CPNE4: variants seen among roughly 807,000 people sequenced by gnomAD.
The protein encoded by CPNE4 is copine-4.
In CPNE4, 25 loss-of-function variants were observed where a neutral mutation model predicts 67.9. The ratio of observed to expected loss-of-function variants is 0.37; its 90% confidence interval spans 0.27 to 0.51. CPNE4 has a LOEUF of 0.51. Ranked by LOEUF, CPNE4 falls within the 20% of genes least tolerant of loss-of-function variation. The pLI is 0.93. For synonymous variants in CPNE4, 242 were observed against 244.9 expected (o/e 0.99, Z 0.11); for missense variants, 464 against 690.8 (o/e 0.67, Z 3.68).
chr3:131,650,453 G>A (rs533790742), intron 7 of CPNE4, among the ~76,000 whole-genome samples: 1 of 151,614 alleles, frequency 6.6e-6, no homozygotes, highest in South Asian at 2.1e-4. Flanking sequence ...TTTAACCATA[G>A]CCTTTAAAAA....
At position 131,724,666 on chromosome 3, in the gene CPNE4, G is replaced by A. The variant is rs1482973172; in HGVS notation, c.181-1041C>T. ...CTTCTGCACAGGGAGCTTTTGCTGG[G>A]ATTTGGTAACATAGTGCCTCTCTCT... On this transcript the variant is annotated intron_variant, in intron 2 of 15. Coordinates refer to ENST00000429747, the MANE Select transcript of CPNE4 (RefSeq NM_130808.3). Among the ~76,000 whole-genome samples, 10 of 152,250 alleles carry A rather than the reference G, an allele frequency of 6.6e-5. 1 individual carries two copies. The South Asian group carries it at 1.9e-3, about 29-fold the overall frequency.
At chr3:132,007,115 T>A (rs2073629785) in intron 1 of CPNE4, among the ~76,000 whole-genome samples, 1 of 152,164 alleles carries the variant, frequency 6.6e-6, no homozygotes, top group African/African-American at 2.4e-5. Flanking sequence ...TATGATCCAT[T>A]CTTCTCTTGA....
At chr3:131,835,644 G>A (rs548211806) in intron 2 of CPNE4, among the ~76,000 whole-genome samples, 144 of 152,226 alleles carry the variant, frequency 9.5e-4, no homozygotes, top group South Asian at 8.3e-3. Context: ...CACCAAGGAC[G>A]CAGTTCCCTT....
At position 131,992,039 on chromosome 3, in the gene CPNE4, G is replaced by A. The variant is rs1316665038; in HGVS notation, c.-2+42528C>T. The stretch of plus-strand genomic sequence containing the variant: ...CTGGATATCTAGGCAGAAGTTTCCT[G>A]CAGGGGTGGAGCCCTCATGGAGAAC... On this transcript the variant is annotated intron_variant, in intron 1 of 15. Transcript: ENST00000429747. Among the ~76,000 whole-genome samples, 6 of 136,754 alleles carry A rather than the reference G, an allele frequency of 4.4e-5. 1 individual carries two copies. The highest frequency in any genetic ancestry group is 5.0e-4 in the South Asian group (2 of 3,984). 89.7% of individuals were successfully genotyped at this position (136,754 alleles called of 152,430 possible).
At chr3:132,000,341 A>G (rs1212119089) in intron 1 of CPNE4, among the ~76,000 whole-genome samples, 1 of 152,030 alleles carries the variant, frequency 6.6e-6, no homozygotes, top group South Asian at 2.1e-4. Flanking sequence ...ACAAGTACTT[A>G]CTATGTGCTA....
At chr3:131,787,849 C>T (rs76916126) in intron 2 of CPNE4, among the ~76,000 whole-genome samples, 1 of 152,120 alleles carries the variant, frequency 6.6e-6, no homozygotes, top group East Asian at 1.9e-4. Flanking sequence ...ATCACAGTGC[C>T]CTTTATCTTA....
chr3:131,925,784 G>C (rs1463857215), intron 1 of CPNE4, among the ~76,000 whole-genome samples: 3 of 152,086 alleles, frequency 2.0e-5, no homozygotes, highest in African/African-American at 4.8e-5. Context: ...TTTCTGACTG[G>C]GCAGCCTCCC....
chr3:131,929,544 A>G (rs1029530760), intron 1 of CPNE4, among the ~76,000 whole-genome samples: 11 of 151,750 alleles, frequency 7.2e-5, no homozygotes, highest in Admixed American at 5.9e-4. Flanking sequence ...CCCCTTCTCC[A>G]TGTCTTCACA....
chr3:131,543,782 C>G (rs1300266618), intron 14 of CPNE4, among the ~76,000 whole-genome samples: 1 of 152,194 alleles, frequency 6.6e-6, no homozygotes, highest in Admixed American at 6.5e-5. Flanking sequence ...ATAAGAGGGT[C>G]AGGGTTGCAG....
intron 2 of CPNE4, among the ~76,000 whole-genome samples, chr3:131,862,215 C>G (rs2086719463): frequency 6.6e-6 from 1 of 152,130 alleles, no homozygotes; most frequent in African/African-American, 2.4e-5. Context: ...TCTTTGATAT[C>G]TCAAATCTCT....
At chr3:131,537,859 C>T (rs1935247804) in intron 15 of CPNE4, among the ~76,000 whole-genome samples, 1 of 152,184 alleles carries the variant, frequency 6.6e-6, no homozygotes, top group African/African-American at 2.4e-5. Context: ...CTTCTAGCTA[C>T]ATGAGAAAAA....
chr3:132,017,296 T>C (rs377526054), intron 1 of CPNE4, among the ~76,000 whole-genome samples: 2 of 144,270 alleles, frequency 1.4e-5, no homozygotes, highest in South Asian at 2.2e-4. Context: ...TGAGAGAAGA[T>C]GGGAGAAGGG....
At chr3:131,896,118 A>G (rs1029994600) in intron 2 of CPNE4, among the ~76,000 whole-genome samples, 26 of 152,166 alleles carry the variant, frequency 1.7e-4, no homozygotes, top group African/African-American at 5.8e-4. Context: ...GTAATTATTC[A>G]TAATAGCAAA....
chr3:131,681,502 T>C (rs1001986326), intron 6 of CPNE4, among the ~76,000 whole-genome samples: 1 of 152,198 alleles, frequency 6.6e-6, no homozygotes, highest in Non-Finnish European at 1.5e-5. Flanking sequence ...TCAGATGTAT[T>C]AGAGCTGTAT....
chr3:131,876,407 C>T lies in CPNE4; in HGVS notation c.180+28857G>A, dbSNP rs372157276. 4.5e-4 allele frequency among the ~76,000 whole-genome samples: 69 copies of T among 151,838 alleles called. 1 individual carries two copies. The South Asian group carries it at 0.01, about 22-fold the overall frequency. On this transcript the variant is annotated intron_variant, in intron 2 of 15. Coordinates refer to ENST00000429747, the MANE Select transcript of CPNE4 (RefSeq NM_130808.3). ...CCTGTAATCCCAGCACTTTGGGAAG[C>T]CGAGGCAGGCAGATCACGAGGTCAG...
intron 15 of CPNE4, 41 bp downstream of exon 15, chr3:131,542,516 C>T: frequency 7.2e-7 from 1 of 1,379,828 alleles, no homozygotes. Flanking sequence ...TGCTTTGGTT[C>T]TGCTCTTCCA....
intron 1 of CPNE4, among the ~76,000 whole-genome samples, chr3:131,977,398 AG>A (rs2072691237): frequency 6.6e-6 from 1 of 152,138 alleles, no homozygotes; most frequent in Admixed American, 6.5e-5. Flanking sequence ...TTCTCCTTTC[AG>A]GGTTGTGAAA....
intron 2 of CPNE4, among the ~76,000 whole-genome samples, chr3:131,781,376 C>G (rs1326213615): frequency 6.6e-6 from 1 of 152,034 alleles, no homozygotes; most frequent in East Asian, 1.9e-4. Context: ...AATCTGGCCC[C>G]CATCTTGTGT....
chr3:131,781,285 G>A (rs529406394), intron 2 of CPNE4, among the ~76,000 whole-genome samples: 2 of 152,060 alleles, frequency 1.3e-5, no homozygotes, highest in Non-Finnish European at 2.9e-5. Flanking sequence ...GCAGTTTTCA[G>A]GAATAAATAT....
Sources: gnomAD v4.1 joint callset for allele counts (sites outside exome capture counted in the v4.1 genomes callset) on GRCh38, gnomAD v4.1.1 for gene constraint, MANE v1.5 for transcripts, NCBI Gene and HGNC (gene_info 2026-07-23, HGNC 2026-07-21) for gene names.